Variants in FER1L6 observed in about 807,000 individuals in gnomAD.
FER1L6 encodes fer-1 like family member 6, also known as fer-1-like protein 6.
A neutral mutation model predicts 219.2 loss-of-function variants in FER1L6; 177 were observed. The ratio of observed to expected loss-of-function variants is 0.81; its 90% CI spans 0.71 to 0.91. The LOEUF is 0.91. Among genes scored for constraint, FER1L6 ranks in the 40% least tolerant of loss-of-function variants. The pLI, the probability that FER1L6 is intolerant of heterozygous loss-of-function variation, is 0.00. For missense variants in FER1L6, 2,153 were observed against 2,259.9 expected (o/e 0.95, Z 0.96); for synonymous variants, 768 against 824.3 (o/e 0.93, Z 1.17).
intron 5 of FER1L6, 149 bp from the exon 6 acceptor site, chr8:123,969,886 A>AAAAAC: frequency 5.2e-6 from 3 of 576,084 alleles, no homozygotes. Context: ...AAAAAAAAAA[A>AAAAAC]GAGAATTGAC....
At chr8:123,981,974 A>G (rs766318422) in intron 11 of FER1L6, among the ~76,000 whole-genome samples, 4 of 152,180 alleles carry the variant, frequency 2.6e-5, no homozygotes, top group Non-Finnish European at 5.9e-5. Flanking sequence ...GGAAGCAGCT[A>G]TTCAGAGCTT....
rs552454842 is a variant in FER1L6, at chr8:123,918,903, G to T, written c.-7-37089G>T. 2.0e-5 allele frequency among the ~76,000 whole-genome samples: 3 copies of T among 152,240 alleles called. No individual in the cohort carries two copies. The East Asian group carries it at 5.8e-4, about 29-fold the overall frequency. On this transcript the variant is annotated intron_variant, in intron 1 of 40. Coordinates refer to ENST00000522917, the MANE Select transcript of FER1L6 (RefSeq NM_001039112.2). The stretch of plus-strand genomic sequence containing the variant: ...AGTGCCCCTCAGGGTCAGGCGTGGG[G>T]TATGGAGGAAAACACACCGGCCCCT...
intron 13 of FER1L6, among the ~76,000 whole-genome samples, chr8:124,009,278 T>C (rs1586585269): frequency 6.6e-6 from 1 of 151,620 alleles, no homozygotes; most frequent in Non-Finnish European, 1.5e-5. Context: ...AATTAAGTAC[T>C]TTTTTTTTGA....
At chr8:124,060,468 A>G (rs13258808) in intron 23 of FER1L6, 80 bp from the exon 24 acceptor site, 1,332,435 of 1,574,674 alleles carry the variant, frequency 0.85, 565,027 homozygotes, top group African/African-American at 0.86. Flanking sequence ...GAGCAGGTCT[A>G]ACTTTTCCAC....
chr8:123,888,133 T>G (rs547817970), intron 1 of FER1L6, among the ~76,000 whole-genome samples: 1 of 152,236 alleles, frequency 6.6e-6, no homozygotes, highest in South Asian at 2.1e-4. Flanking sequence ...TTTTCTTTTT[T>G]TGAGACAGAG....
At chr8:124,008,656 GC>G (rs1459589954) in intron 13 of FER1L6, among the ~76,000 whole-genome samples, 12 of 152,174 alleles carry the variant, frequency 7.9e-5, no homozygotes, top group African/African-American at 2.2e-4. Context: ...AAACTAAAGA[GC>G]TTTTGCACAG....
intron 12 of FER1L6, among the ~76,000 whole-genome samples, chr8:123,994,904 C>T (rs1397360247): frequency 2.0e-5 from 3 of 152,206 alleles, no homozygotes; most frequent in African/African-American, 7.2e-5. Flanking sequence ...GTTGCTTCTA[C>T]TTTTATGTTT....
Position 124,118,918 on chromosome 8 carries a change from G to A in FER1L6, c.5364G>A (p.Lys1788=), listed in dbSNP as rs112450775. 54 of 1,613,814 alleles carry A rather than the reference G, an allele frequency of 3.3e-5. 1 individual carries two copies. The Middle Eastern group carries it at 5.0e-4, about 15-fold the overall frequency. Residue 1788 remains lysine (K), a synonymous_variant, in exon 40 of 41, where the codon AAG becomes AAA. Transcript: ENST00000522917. ...AEKNPVGKAR[K]EPEPLAKPNR... ...AAAATCCTGTTGGAAAAGCCCGAAAGGAGCCAGAGCCCCTGGCCAAGCCCA... is the reference window on the plus strand; with the variant it reads ...AAAATCCTGTTGGAAAAGCCCGAAAAGAGCCAGAGCCCCTGGCCAAGCCCA...
chr8:123,859,981 A>T (rs186464650), intron 1 of FER1L6, among the ~76,000 whole-genome samples: 18,916 of 123,086 alleles, frequency 0.15, 1,423 homozygotes, highest in Middle Eastern at 0.21. Context: ...TATTATTATT[A>T]TTATTTTTTT....
At chr8:124,107,608 C>T (rs1822834671) in intron 39 of FER1L6, among the ~76,000 whole-genome samples, 1 of 152,136 alleles carries the variant, frequency 6.6e-6, no homozygotes, top group Non-Finnish European at 1.5e-5. Context: ...TCCATGCTGT[C>T]CTTGCCTTGC....
intron 18 of FER1L6, among the ~76,000 whole-genome samples, chr8:124,031,645 C>T (rs1393987044): frequency 6.6e-6 from 1 of 152,138 alleles, no homozygotes; most frequent in African/African-American, 2.4e-5. Flanking sequence ...TTTCTGTGAC[C>T]TGCACTAGGG....
rs535223796 is a variant in FER1L6 at position 124,021,649 on chromosome 8, A to G, written c.2113A>G (p.Ile705Val). 6.2e-6 allele frequency: 10 copies of G among 1,614,144 alleles called. No homozygotes were observed. In the East Asian group the frequency reaches 8.9e-5, roughly 14 times the overall value. ...CGAAGCCCAAAACTTTGTGGAAAAA[A>G]TCCGCTTTCTTGTTGATGAGGTAAC... is the stretch of plus-strand genomic sequence containing the variant. ...IHEAQNFVEKIRFLVDEPQHT... is the reference protein window; with the variant it reads ...IHEAQNFVEKVRFLVDEPQHT... The change falls in exon 17 of 41, where the codon ATC becomes GTC. Residue 705 changes from isoleucine (I) to valine (V), a missense_variant. By Grantham distance (29) the Ile-to-Val change is conservative. Transcript: ENST00000522917.
At chr8:124,050,868 T>C (rs768459172) in intron 22 of FER1L6, among the ~76,000 whole-genome samples, 1 of 151,960 alleles carries the variant, frequency 6.6e-6, no homozygotes, top group Non-Finnish European at 1.5e-5. Context: ...TACCATCACA[T>C]TGGGGTTGGT....
At chr8:124,008,675 A>T (rs1817776099) in intron 13 of FER1L6, among the ~76,000 whole-genome samples, 1 of 152,260 alleles carries the variant, frequency 6.6e-6, no homozygotes, top group African/African-American at 2.4e-5. Flanking sequence ...CAGCAAAAGT[A>T]ACAGCAGAGT....
At chr8:124,010,928 T>C (rs1473415198) in intron 14 of FER1L6, among the ~76,000 whole-genome samples, 2 of 152,198 alleles carry the variant, frequency 1.3e-5, no homozygotes, top group African/African-American at 4.8e-5. Context: ...ACTACCTGAA[T>C]TCAAATCCCT....
chr8:124,021,678 C>T lies in FER1L6; in HGVS notation c.2133+9C>T. The T allele has an allele frequency of 6.2e-7, 1 of 1,613,662 alleles. No homozygotes were observed. The highest frequency in any genetic ancestry group is 2.2e-5 in the East Asian group (1 of 44,872). ...GCTTTCTTGTTGATGAGGTAACTGA[C>T]TCTAAAGGCAAACCTCATTTGGAAG... On this transcript the variant is annotated intron_variant, in intron 17 of 40. Transcript: ENST00000522917.
rs145656806 is a variant in FER1L6, at chr8:123,936,862, G to A, written c.-7-19130G>A. 1.9e-4 allele frequency among the ~76,000 whole-genome samples: 29 copies of A among 152,224 alleles called. 1 individual carries two copies. In the East Asian group the frequency reaches 5.4e-3, roughly 28 times the overall value. On this transcript the variant is annotated intron_variant, in intron 1 of 40. Transcript: ENST00000522917. ...CTCTCACTCCTTTTACCTGACCATT[G>A]TTGGTTAAAATGGTTATCCTCATAC... is the stretch of plus-strand genomic sequence containing the variant.
At chr8:124,092,165 C>T (rs547538128) in intron 34 of FER1L6, among the ~76,000 whole-genome samples, 47 of 151,996 alleles carry the variant, frequency 3.1e-4, no homozygotes, top group Middle Eastern at 6.8e-3. Flanking sequence ...AGTTTTGTGC[C>T]CAGCTTTTAA....
chr8:123,963,379 T>C lies in FER1L6; in HGVS notation c.178T>C (p.Ser60Pro). The change falls in exon 3 of 41, where the codon TCA (serine) becomes CCA (proline). Residue 60 changes from serine to proline, a missense_variant. Coordinates refer to ENST00000522917, the MANE Select transcript of FER1L6 (RefSeq NM_001039112.2). ...HDDASIFPVPSASPKRRSKLL... is the reference protein window; with the variant it reads ...HDDASIFPVPPASPKRRSKLL... ...TGATGCTTCTATCTTTCCTGTCCCCTCAGCTTCTCCAAAGAGAAGGTACAG... is the reference window on the plus strand; with the variant it reads ...TGATGCTTCTATCTTTCCTGTCCCCCCAGCTTCTCCAAAGAGAAGGTACAG... The C allele has an allele frequency of 6.2e-7, 1 of 1,614,090 alleles. No individual in the cohort carries two copies. Among genetic ancestry groups the C allele is most frequent in the East Asian group, 2.2e-5 (1 of 44,884 alleles).
Sources: gnomAD v4.1 joint callset for allele counts (sites outside exome capture counted in the v4.1 genomes callset) on GRCh38, gnomAD v4.1.1 for gene constraint, MANE v1.5 for transcripts, NCBI Gene and HGNC (gene_info 2026-07-23, HGNC 2026-07-21) for gene names.